OTUB1: variants seen among roughly 807,000 people sequenced by gnomAD.
The protein encoded by OTUB1 is OTU deubiquitinase, ubiquitin aldehyde binding 1.
Under a neutral mutation model 35.8 loss-of-function variants are expected in OTUB1, and 10 were observed. That is an observed-to-expected ratio of 0.28 (90% CI 0.17 to 0.47). The LOEUF (loss-of-function observed/expected upper bound fraction) is 0.47, where lower values mean the gene tolerates loss of function less well. Ranked by LOEUF, OTUB1 falls within the 20% of genes least tolerant of loss-of-function variation. The pLI, the probability that OTUB1 is intolerant of heterozygous loss-of-function variation, is 0.99. For synonymous variants in OTUB1, 158 were observed against 143.8 expected (o/e 1.10, Z -0.71); for missense variants, 264 against 351.6 (o/e 0.75, Z 1.99).
At chr11:63,991,039 C>G (rs1209468086) in intron 3 of OTUB1, among the ~76,000 whole-genome samples, 1 of 152,146 alleles carries the variant, frequency 6.6e-6, no homozygotes, top group Non-Finnish European at 1.5e-5. Context: ...CTACTGAGGC[C>G]CCCTCCTCAG....
chr11:63,995,693 G>A (rs1449870956), intron 3 of OTUB1, among the ~76,000 whole-genome samples: 2 of 152,118 alleles, frequency 1.3e-5, no homozygotes, highest in Non-Finnish European at 2.9e-5. Flanking sequence ...CAGCTTAGGT[G>A]GCAGCTGGAA....
In OTUB1 at chr11:63,995,953, G is replaced by A. The variant is rs926124676; in HGVS notation, c.220-577G>A. On this transcript the variant is annotated intron_variant, in intron 3 of 6. Transcript: ENST00000538426. ...ACCCGGGAGGTGTAGGTTGCAGTGAGCCGAGATCGCGCCACTGCACTCCAG... is the reference window on the plus strand; with the variant it reads ...ACCCGGGAGGTGTAGGTTGCAGTGAACCGAGATCGCGCCACTGCACTCCAG... Among the ~76,000 whole-genome samples the A allele has an allele frequency of 3.3e-5, 5 of 152,190 alleles. No individual in the cohort carries two copies. The South Asian group carries it at 1.0e-3, about 32-fold the overall frequency.
chr11:63,997,965 A>C lies in OTUB1; in HGVS notation c.*419A>C. 3.4e-6 allele frequency: 2 copies of C among 581,670 alleles called. No homozygotes were observed. The allele number at this position is 581,670 out of a possible 1,614,324, so 36.0% of individuals were successfully genotyped here. A position where few individuals can be genotyped will look rare whatever the true frequency, so the allele number is the denominator to read the frequency against. On this transcript the variant is annotated 3_prime_UTR_variant, in exon 7 of 7. Coordinates refer to ENST00000538426, the MANE Select transcript of OTUB1 (RefSeq NM_017670.3). ...AGGGTCCCAGGGCCACCCACACTTC[A>C]TCTGCTCCCTCATAGGCCCCACCTC...
intron 1 of OTUB1, chr11:63,986,827 C>T (rs1316853937): frequency 5.7e-6 from 2 of 351,870 alleles, no homozygotes; most frequent in African/African-American, 2.1e-5. Flanking sequence ...GGGCCCCGAG[C>T]CCTCTCGCCC....
At chr11:63,987,272 G>A (rs1279851532) in intron 1 of OTUB1, among the ~76,000 whole-genome samples, 1 of 152,220 alleles carries the variant, frequency 6.6e-6, no homozygotes, top group Non-Finnish European at 1.5e-5. Context: ...AGCCCCAAAA[G>A]GGTTGACCTT....
Position 63,997,687 on chromosome 11 carries a change from G to C in OTUB1, c.*141G>C, listed in dbSNP as rs1006014792. ...GACCCCCCCCCATGTTTTATTAAAG[G>C]GGGTGCTGGTGGTGAGCCGTGTGTG... On this transcript the variant is annotated 3_prime_UTR_variant, in exon 7 of 7. Coordinates refer to ENST00000538426, the MANE Select transcript of OTUB1 (RefSeq NM_017670.3). 18 of 754,822 alleles carry C rather than the reference G, an allele frequency of 2.4e-5. No homozygotes were observed. Among genetic ancestry groups the C allele is most frequent in the Non-Finnish European group, 2.3e-6 (1 of 432,378 alleles). The allele number at this position is 754,822 out of a possible 1,614,324, so 46.8% of individuals were successfully genotyped here. A position where few individuals can be genotyped will look rare whatever the true frequency, so the allele number is the denominator to read the frequency against.
At position 63,997,816 on chromosome 11, in the gene OTUB1, G is replaced by A. The variant is rs914629897; in HGVS notation, c.*270G>A. The A allele has an allele frequency of 1.4e-6, 1 of 698,790 alleles. No homozygotes were observed. Among genetic ancestry groups the A allele is most frequent in the African/African-American group, 1.8e-5 (1 of 57,120 alleles). The allele number at this position is 698,790 out of a possible 1,614,324, so 43.3% of individuals were successfully genotyped here. A position where few individuals can be genotyped will look rare whatever the true frequency, so the allele number is the denominator to read the frequency against. On this transcript the variant is annotated 3_prime_UTR_variant, in exon 7 of 7. Transcript: ENST00000538426. ...TATCTACTCCTGAGCTTCCCCAACA[G>A]GAGCAGGTTTGAGGGGCCAGGCCTC...
chr11:63,995,824 C>T (rs1246165835), intron 3 of OTUB1, among the ~76,000 whole-genome samples: 1 of 151,996 alleles, frequency 6.6e-6, no homozygotes, highest in African/African-American at 2.4e-5. Flanking sequence ...GGGGAGGGTG[C>T]CCAGGCCAGG....
At chr11:63,995,456 A>G (rs1942708152) in intron 3 of OTUB1, among the ~76,000 whole-genome samples, 1 of 151,998 alleles carries the variant, frequency 6.6e-6, no homozygotes, top group Non-Finnish European at 1.5e-5. Context: ...TCAGCCTCCC[A>G]AAGTGCTGCG....
chr11:63,988,385 G>A lies in OTUB1; in HGVS notation c.107G>A (p.Arg36Gln), dbSNP rs1942639635. Residue 36 changes from arginine (R) to glutamine (Q), a missense_variant, in exon 2 of 7, where the codon CGA becomes CAA. By Grantham distance (43) the Arg-to-Gln change is conservative (BLOSUM62 1). Coordinates refer to ENST00000538426, the MANE Select transcript of OTUB1 (RefSeq NM_017670.3). The stretch of plus-strand genomic sequence containing the variant: ...GAAGCCATCATGGCTCAGCAGGACC[G>A]AATTCAGCAAGAGGTGAGGGGCTGC... Reference protein sequence around the residue: ...YDEAIMAQQDRIQQEIAVQNP... With the variant: ...YDEAIMAQQDQIQQEIAVQNP... 4 of 1,553,908 alleles carry A rather than the reference G, an allele frequency of 2.6e-6. No homozygotes were observed. The highest frequency in any genetic ancestry group is 3.5e-6 in the Non-Finnish European group (4 of 1,147,992).
At chr11:63,988,624 T>C (rs1942642104) in intron 2 of OTUB1, 30 bp from the exon 3 acceptor site, 1 of 1,532,640 alleles carries the variant, frequency 6.5e-7, no homozygotes, top group Non-Finnish European at 9.0e-7. Flanking sequence ...ATCTCCCTGC[T>C]AGGACATGAC....
In OTUB1 at chr11:63,994,858, G is replaced by A. The variant is rs77459372; in HGVS notation, c.220-1672G>A. Among the ~76,000 whole-genome samples, 198 of 152,316 alleles carry A rather than the reference G, an allele frequency of 1.3e-3. 4 individuals are homozygous for A. In the East Asian group the frequency reaches 0.034, roughly 26 times the overall value. On this transcript the variant is annotated intron_variant, in intron 3 of 6. Transcript: ENST00000538426. ...GGGAGAAAAGAGGTGGAGGCAGCACGGACAGCTTCATGAGGAGTTTTGCTG... is the reference window on the plus strand; with the variant it reads ...GGGAGAAAAGAGGTGGAGGCAGCACAGACAGCTTCATGAGGAGTTTTGCTG...
rs1942701772 is a variant in OTUB1, at chr11:63,994,726, G to A, written c.220-1804G>A. ...AAGGAGGCATCTAGGCAGGGCCACAGCCAGTGGCCTCAGTTCTGCTAAGGG... is the reference window on the plus strand; with the variant it reads ...AAGGAGGCATCTAGGCAGGGCCACAACCAGTGGCCTCAGTTCTGCTAAGGG... On this transcript the variant is annotated intron_variant, in intron 3 of 6. Transcript: ENST00000538426. Among the ~76,000 whole-genome samples the A allele has an allele frequency of 2.0e-5, 3 of 152,252 alleles. No homozygotes were observed. In the South Asian group the frequency reaches 6.2e-4, roughly 31 times the overall value.
At chr11:63,988,601 C>T (rs766516104) in intron 2 of OTUB1, 53 bp from the exon 3 acceptor site, 2 of 1,393,738 alleles carry the variant, frequency 1.4e-6, no homozygotes, top group Admixed American at 3.3e-5. Context: ...GTCTGTTAGG[C>T]ATGGGTCACT....
At chr11:63,993,697 C>T (rs11231671) in intron 3 of OTUB1, among the ~76,000 whole-genome samples, 46,656 of 150,350 alleles carry the variant, frequency 0.31, 8,146 homozygotes, top group Non-Finnish European at 0.4. Context: ...AGACTGATGT[C>T]GTCAAGAGAG....
chr11:63,994,908 G>T (rs1942703142), intron 3 of OTUB1, among the ~76,000 whole-genome samples: 1 of 152,232 alleles, frequency 6.6e-6, no homozygotes, highest in African/African-American at 2.4e-5. Flanking sequence ...AAATTGAAGG[G>T]TAGCCAGACA....
chr11:63,991,734 C>A (rs2035632138), intron 3 of OTUB1, among the ~76,000 whole-genome samples: 2 of 152,208 alleles, frequency 1.3e-5, no homozygotes, highest in South Asian at 2.1e-4. Context: ...TCCTGGTGTG[C>A]TACTCATTTA....
At position 63,996,612 on chromosome 11, in the gene OTUB1, T is replaced by C; in HGVS notation, c.302T>C (p.Leu101Ser). 6.2e-7 allele frequency: 1 copy of C among 1,614,212 alleles called. No individual in the cohort carries two copies. The highest frequency in any genetic ancestry group is 1.3e-5 in the African/African-American group (1 of 75,072). ...CFYRAFGFSH[L>S]EALLDDSKEL... is the part of the protein sequence containing the mutation. ...TATCGGGCTTTCGGATTCTCCCACTTGGAGGCACTGCTGGATGACAGCAAG... is the reference window on the plus strand; with the variant it reads ...TATCGGGCTTTCGGATTCTCCCACTCGGAGGCACTGCTGGATGACAGCAAG... The change falls in exon 4 of 7, where the codon TTG becomes TCG. Residue 101 changes from leucine to serine, a missense_variant. This residue lies in a region of OTUB1 where 214 missense variants were observed against 317.1 expected (regional missense o/e 0.67). Coordinates refer to ENST00000538426, the MANE Select transcript of OTUB1 (RefSeq NM_017670.3).
At chr11:63,986,804 C>T (rs1942624888) in intron 1 of OTUB1, 1 of 396,918 alleles carries the variant, frequency 2.5e-6, no homozygotes, top group Non-Finnish European at 4.5e-6. Flanking sequence ...AACCCCTCGG[C>T]TCCTGGCTCC....
Sources: gnomAD v4.1 joint callset for allele counts (sites outside exome capture counted in the v4.1 genomes callset) on GRCh38, gnomAD v4.1.1 for gene constraint, gnomAD v4.1.1 regional missense constraint, MANE v1.5 for transcripts, NCBI Gene and HGNC (gene_info 2026-07-23, HGNC 2026-07-21) for gene names.